Variants in IDI1 observed in about 807,000 individuals in gnomAD.
The protein encoded by IDI1 is isopentenyl-diphosphate delta isomerase 1.
IDI1 carries 23 observed loss-of-function variants against 32.9 expected under a neutral mutation model. The ratio of observed to expected loss-of-function variants is 0.70; its 90% CI spans 0.50 to 0.99. IDI1 has a LOEUF of 0.99. IDI1 is among the 50% of genes least tolerant of loss of function. The pLI, the probability that IDI1 is intolerant of heterozygous loss-of-function variation, is 0.00. For missense variants in IDI1, 326 were observed against 351.9 expected (o/e 0.93, Z 0.59); for synonymous variants, 133 against 128.2 (o/e 1.04, Z -0.25).
Position 1,044,184 on chromosome 10 carries a change from G to C in IDI1, c.141-13C>G, listed in dbSNP as rs756958317. ...CTGTTCTAGAACACTAATATTAAAGGAAAAGAGAAAGAAAGGCCATCATAT... is the reference window on the plus strand; with the variant it reads ...CTGTTCTAGAACACTAATATTAAAGCAAAAGAGAAAGAAAGGCCATCATAT... On this transcript the variant is annotated splice_polypyrimidine_tract_variant and intron_variant, in intron 1 of 4. Transcript: ENST00000381344. 1.9e-6 allele frequency: 3 copies of C among 1,585,538 alleles called. No individual in the cohort carries two copies. The highest frequency in any genetic ancestry group is 2.3e-5 in the South Asian group (2 of 87,620).
intron 1 of IDI1, 27 bp downstream of exon 1, chr10:1,048,818 GCCGCCCTGCCCCTGTCTCC>G (rs1466319259): frequency 6.3e-7 from 1 of 1,588,908 alleles, no homozygotes; most frequent in Non-Finnish European, 8.5e-7. Context: ...GCTCCCCGAT[GCCGCCCTGCCCCTGTCTCC>G]CGAACTCCGC....
At position 1,041,323 on chromosome 10, in the gene IDI1, A is replaced by C. The variant is rs779812108; in HGVS notation, c.719T>G (p.Leu240Arg). Residue 240 changes from leucine to arginine, a missense_variant, in exon 5 of 5, where the codon CTG becomes CGG. Coordinates refer to ENST00000381344, the MANE Select transcript of IDI1 (RefSeq NM_004508.4). ...YVSKEELKEL[L>R]KKAASGEIKI... ...AATTTCACCACTGGCTGCTTTTTTC[A>C]GAAGTTCTTTTAGTTCTTCCTTTGA... 6.2e-7 allele frequency: 1 copy of C among 1,613,850 alleles called. No individual in the cohort carries two copies. Among genetic ancestry groups the C allele is most frequent in the Non-Finnish European group, 8.5e-7 (1 of 1,179,808 alleles).
rs1263628671 is a variant in IDI1, at chr10:1,045,333, T to TCCTTCAGGGCACCTTTACATAG, written c.141-1163_141-1162insCTATGTAAAGGTGCCCTGAAGG. Among the ~76,000 whole-genome samples the TCCTTCAGGGCACCTTTACATAG allele has an allele frequency of 1.1e-4, 17 of 152,390 alleles. 1 individual carries two copies. The South Asian group carries it at 2.5e-3, about 22-fold the overall frequency. On this transcript the variant is annotated intron_variant, in intron 1 of 4. Transcript: ENST00000381344. ...CATAGTCTGACCTTGAAGTTTTTTA[T>TCCTTCAGGGCACCTTTACATAG]TCCCTTTTTTCTTCTCCTTTATTTC...
chr10:1,054,069 T>C (rs1439857286), upstream of IDI1, among the ~76,000 whole-genome samples: 1 of 152,196 alleles, frequency 6.6e-6, no homozygotes, highest in Non-Finnish European at 1.5e-5. Context: ...ATGACAGTAA[T>C]ATCAAAGATC....
rs1278841406 is a variant in IDI1, at chr10:1,048,922, A to C, written c.82T>G (p.Cys28Gly). 3 of 1,599,964 alleles carry C rather than the reference A, an allele frequency of 1.9e-6. No homozygotes were observed. The highest frequency in any genetic ancestry group is 8.5e-7 in the Non-Finnish European group (1 of 1,175,540). Residue 28 changes from cysteine to glycine, a missense_variant, in exon 1 of 5, where the codon TGT (cysteine) becomes GGT (glycine). Physicochemically the swap from Cys to Gly is radical, Grantham distance 159. This residue lies in a region of IDI1 where 121 missense variants were observed against 78.4 expected (regional missense o/e 1.54). Transcript: ENST00000381344. ...CCCGGATGGCGCCCGCTTTGAGCAC[A>C]GTCTGCGGCGCGCACCGCCCACTGG... ...RGQWAVRAAD[C>G]AQSGRHPGPA... is the part of the protein sequence containing the mutation.
upstream of IDI1, among the ~76,000 whole-genome samples, chr10:1,054,058 T>G (rs1833082094): frequency 6.6e-6 from 1 of 152,170 alleles, no homozygotes; most frequent in African/African-American, 2.4e-5. Flanking sequence ...CCCAAGCAAT[T>G]ATGACAGTAA....
At chr10:1,044,277 T>C in intron 1 of IDI1, 106 bp from the exon 2 acceptor site, 2 of 785,866 alleles carry the variant, frequency 2.5e-6, no homozygotes, top group East Asian at 5.3e-5. Context: ...GTTGTACCAC[T>C]CTGCATCCCC....
chr10:1,040,948 A>C lies in IDI1; in HGVS notation c.*239T>G, dbSNP rs1832557749. The C allele has an allele frequency of 2.6e-6, 1 of 383,134 alleles. No individual in the cohort carries two copies. Among genetic ancestry groups the C allele is most frequent in the South Asian group, 6.5e-5 (1 of 15,396 alleles). 23.7% of individuals were successfully genotyped at this position (383,134 alleles called of 1,614,324 possible). ...TATTTGCTCGCTCTCATTTTACAAT[A>C]ATCTCTCACAAATGTCGCTTAGAAA... On this transcript the variant is annotated 3_prime_UTR_variant, in exon 5 of 5. Transcript: ENST00000381344.
intron 4 of IDI1, among the ~76,000 whole-genome samples, chr10:1,042,310 G>A (rs1370501755): frequency 1.3e-5 from 2 of 152,062 alleles, no homozygotes; most frequent in Non-Finnish European, 2.9e-5. Flanking sequence ...TTTTAGGTGA[G>A]AACTGGAAAA....
At chr10:1,043,955 C>G in intron 2 of IDI1, 44 bp downstream of exon 2, 2 of 1,547,262 alleles carry the variant, frequency 1.3e-6, no homozygotes, top group Non-Finnish European at 1.8e-6. Flanking sequence ...ATCGGAAATG[C>G]CTACACAAAT....
upstream of IDI1, chr10:1,049,132 G>C (rs1156834419): frequency 2.9e-6 from 4 of 1,379,030 alleles, no homozygotes; most frequent in African/African-American, 4.6e-5. Context: ...CCGTGACCGC[G>C]GGCTCTGGCG....
intron 1 of IDI1, chr10:1,048,547 T>C (rs1832873942): frequency 7.6e-7 from 1 of 1,313,566 alleles, no homozygotes; most frequent in Non-Finnish European, 9.8e-7. Context: ...TGCGACTCGG[T>C]TTCCAGTTCC....
chr10:1,048,820 C>T, intron 1 of IDI1, 44 bp downstream of exon 1: 1 of 1,591,992 alleles, frequency 6.3e-7, no homozygotes, highest in Non-Finnish European at 8.5e-7. Context: ...TCCCCGATGC[C>T]GCCCTGCCCC....
Position 1,039,561 on chromosome 10 carries a change from G to A in IDI1, c.*1626C>T, listed in dbSNP as rs1250059072. ...TGGGGTCAGAAGCAGCTATATCTAG[G>A]AGAGGGATACTCCTCTTTATAAAAG... On this transcript the variant is annotated 3_prime_UTR_variant, in exon 5 of 5. Coordinates refer to ENST00000381344, the MANE Select transcript of IDI1 (RefSeq NM_004508.4). The A allele has an allele frequency of 6.6e-6, 1 of 152,178 alleles. No homozygotes were observed. The highest frequency in any genetic ancestry group is 1.5e-5 in the Non-Finnish European group (1 of 68,034). The allele number at this position is 152,178 out of a possible 1,614,324, so 9.4% of individuals were successfully genotyped here.
chr10:1,051,070 ATTATTT>A (rs1832999103), upstream of IDI1, among the ~76,000 whole-genome samples: 2 of 152,220 alleles, frequency 1.3e-5, no homozygotes, highest in Admixed American at 1.3e-4. Flanking sequence ...ATTAAAACTC[ATTATTT>A]TTGACTGTAC....
intron 1 of IDI1, chr10:1,048,581 C>T (rs1419734805): frequency 7.3e-7 from 1 of 1,363,890 alleles, no homozygotes; most frequent in Non-Finnish European, 9.5e-7. Context: ...CCTCAGGTGA[C>T]TGTGCGCAGA....
At chr10:1,041,643 T>C (rs1832591607) in intron 4 of IDI1, 139 bp from the exon 5 acceptor site, 4 of 484,084 alleles carry the variant, frequency 8.3e-6, no homozygotes, top group Admixed American at 3.6e-5. Context: ...AGCATTAATC[T>C]CCTATCAATG....
At chr10:1,056,153 G>GA in the IDI1 span, among the ~76,000 whole-genome samples, 80 of 149,170 alleles carry the variant, frequency 5.4e-4, no homozygotes, top group African/African-American at 8.1e-4. Context: ...AACCTACACA[G>GA]AAAAAAAAAA....
intron 1 of IDI1, among the ~76,000 whole-genome samples, chr10:1,046,242 T>A (rs1171909939): frequency 6.6e-6 from 1 of 152,224 alleles, no homozygotes; most frequent in Non-Finnish European, 1.5e-5. Context: ...CACTACAGAC[T>A]GCATATACTA....
Sources: gnomAD v4.1 joint callset for allele counts (sites outside exome capture counted in the v4.1 genomes callset) on GRCh38, gnomAD v4.1.1 for gene constraint, gnomAD v4.1.1 regional missense constraint, MANE v1.5 for transcripts, NCBI Gene and HGNC (gene_info 2026-07-23, HGNC 2026-07-21) for gene names.